The following CPNE5 variants were observed in gnomAD, a reference collection of about 807,000 sequenced individuals.
CPNE5 encodes copine 5, also known as copine-5.
A neutral mutation model predicts 81.1 loss-of-function variants in CPNE5; 42 were observed. That is an observed-to-expected ratio of 0.52 (90% confidence interval 0.40 to 0.67). CPNE5 has a LOEUF of 0.67. Ranked by LOEUF, CPNE5 falls within the 30% of genes least tolerant of loss-of-function variation. CPNE5 has a pLI of 0.00. For missense variants in CPNE5, 612 were observed against 815.5 expected (o/e 0.75, Z 3.04); for synonymous variants, 313 against 321.5 (o/e 0.97, Z 0.28).
At chr6:36,749,034 T>C (rs1173395489) in intron 14 of CPNE5, among the ~76,000 whole-genome samples, 1 of 152,000 alleles carries the variant, frequency 6.6e-6, no homozygotes, top group Admixed American at 6.6e-5. Flanking sequence ...CCTCCTGGGC[T>C]CAAGCAGTTT....
At chr6:36,758,959 G>A (rs1312071148) in intron 12 of CPNE5, among the ~76,000 whole-genome samples, 1 of 152,238 alleles carries the variant, frequency 6.6e-6, no homozygotes, top group Non-Finnish European at 1.5e-5. Context: ...TGGGAAAACA[G>A]CTTAAGTAGG....
At chr6:36,826,046 G>A (rs1035563703) in intron 1 of CPNE5, among the ~76,000 whole-genome samples, 6 of 152,176 alleles carry the variant, frequency 3.9e-5, no homozygotes, top group Admixed American at 3.3e-4. Context: ...CAAGGTCTGG[G>A]TCTCCTCCAA....
chr6:36,787,819 C>T (rs1768703141), intron 8 of CPNE5, among the ~76,000 whole-genome samples: 1 of 152,106 alleles, frequency 6.6e-6, no homozygotes, highest in African/African-American at 2.4e-5. Context: ...CTGCCTCCTC[C>T]ATGACCACCG....
chr6:36,796,965 C>T (rs1769639144), intron 6 of CPNE5, among the ~76,000 whole-genome samples: 1 of 152,164 alleles, frequency 6.6e-6, no homozygotes, highest in Admixed American at 6.5e-5. Context: ...GGTTGGAGTA[C>T]AGTAGCCCAA....
chr6:36,803,916 G>A (rs573559191), intron 3 of CPNE5, among the ~76,000 whole-genome samples: 6 of 152,166 alleles, frequency 3.9e-5, no homozygotes, highest in African/African-American at 1.4e-4. Flanking sequence ...CTAGGTGATC[G>A]TAATGTGCAG....
intron 1 of CPNE5, chr6:36,827,773 A>G (rs1290047850): frequency 3.0e-6 from 3 of 985,038 alleles, no homozygotes; most frequent in Non-Finnish European, 3.6e-6. Flanking sequence ...GAAGGGCCCG[A>G]GACACCAGGG....
At chr6:36,824,830 C>T (rs1336098301) in intron 1 of CPNE5, among the ~76,000 whole-genome samples, 2 of 152,196 alleles carry the variant, frequency 1.3e-5, no homozygotes, top group Non-Finnish European at 2.9e-5. Context: ...CCTGTAATCC[C>T]AACTACTCAG....
At chr6:36,774,279 A>G (rs1010256723) in intron 10 of CPNE5, among the ~76,000 whole-genome samples, 1 of 151,988 alleles carries the variant, frequency 6.6e-6, no homozygotes, top group Non-Finnish European at 1.5e-5. Context: ...TATATTCAGG[A>G]GGTAGAGGTG....
intron 1 of CPNE5, among the ~76,000 whole-genome samples, chr6:36,830,086 C>T (rs1772859160): frequency 6.6e-6 from 1 of 152,188 alleles, no homozygotes; most frequent in Admixed American, 6.5e-5. Context: ...GTAGACTTTG[C>T]TCCCATTCTA....
intron 2 of CPNE5, 111 bp from the exon 3 acceptor site, chr6:36,822,271 A>G (rs1250333433): frequency 2.5e-6 from 2 of 815,784 alleles, no homozygotes; most frequent in Non-Finnish European, 3.7e-6. Context: ...CAGCCTGGGT[A>G]GCACTGTTGG....
rs369989882 is a variant in CPNE5 at position 36,798,461 on chromosome 6, G to T, written c.321C>A (p.Ser107=). Residue 107 remains serine (S), a synonymous_variant, in exon 5 of 21, where the codon TCC becomes TCA. Transcript: ENST00000244751. ...AGTTACTGGCAGAACTCACGTGTTT[G>T]GATAAATCAGGACTCTTAGAGTCAA... ...YDVDSKSPDL[S]KHDFLGQAFC... 5.6e-6 allele frequency: 9 copies of T among 1,613,908 alleles called. No homozygotes were observed. Among genetic ancestry groups the T allele is most frequent in the South Asian group, 4.4e-5 (4 of 91,090 alleles).
intron 3 of CPNE5, among the ~76,000 whole-genome samples, chr6:36,800,935 T>C (rs1770048627): frequency 6.6e-6 from 1 of 152,176 alleles, no homozygotes; most frequent in South Asian, 2.1e-4. Flanking sequence ...TGGGTGAGCT[T>C]GCAAGCAAAT....
chr6:36,760,462 G>A (rs1765917205), intron 12 of CPNE5, among the ~76,000 whole-genome samples: 1 of 152,166 alleles, frequency 6.6e-6, no homozygotes, highest in South Asian at 2.1e-4. Context: ...GGAGTACGCT[G>A]GTTACTGTGT....
intron 1 of CPNE5, among the ~76,000 whole-genome samples, chr6:36,830,640 C>T (rs375218502): frequency 1.6e-4 from 24 of 152,278 alleles, no homozygotes; most frequent in African/African-American, 5.5e-4. Flanking sequence ...CACTACATGG[C>T]CAAGGGAAAA....
intron 12 of CPNE5, among the ~76,000 whole-genome samples, chr6:36,759,334 G>GGGGGCCAGCGCCACCTA (rs1194970235): frequency 1.4e-4 from 21 of 152,100 alleles, no homozygotes; most frequent in Admixed American, 1.2e-3. Context: ...ATCCCATGCA[G>GGGGGCCAGCGCCACCTA]GGGGCCAGCG....
At chr6:36,792,468 G>T (rs760530380) in intron 7 of CPNE5, 19 of 1,183,346 alleles carry the variant, frequency 1.6e-5, no homozygotes, top group Non-Finnish European at 2.0e-5. Context: ...AGACCTCATG[G>T]GCTAGCCACC....
intron 3 of CPNE5, among the ~76,000 whole-genome samples, chr6:36,807,185 G>T (rs948245427): frequency 5.9e-5 from 9 of 152,212 alleles, no homozygotes; most frequent in African/African-American, 2.2e-4. Flanking sequence ...ACTGGCCCTA[G>T]CTTTGAAGAC....
At chr6:36,792,327 C>A (rs1769175089) in intron 7 of CPNE5, 9 of 1,525,264 alleles carry the variant, frequency 5.9e-6, no homozygotes, top group Non-Finnish European at 7.9e-6. Context: ...CCCCTGCTCC[C>A]CGAGAGCCCA....
At chr6:36,821,817 C>A (rs896791290) in intron 3 of CPNE5, among the ~76,000 whole-genome samples, 1 of 152,134 alleles carries the variant, frequency 6.6e-6, no homozygotes, top group Non-Finnish European at 1.5e-5. Flanking sequence ...AGCCAGCAGA[C>A]AAGGTCTTAA....
Sources: gnomAD v4.1 joint callset for allele counts (sites outside exome capture counted in the v4.1 genomes callset) on GRCh38, gnomAD v4.1.1 for gene constraint, MANE v1.5 for transcripts, NCBI Gene and HGNC (gene_info 2026-07-23, HGNC 2026-07-21) for gene names.